SCAP: variants seen among roughly 807,000 people sequenced by gnomAD.
SCAP encodes sterol regulatory element-binding protein cleavage-activating protein.
SCAP carries 65 observed loss-of-function variants against 123.6 expected under a neutral mutation model. The observed-to-expected ratio is 0.53, with a 90% CI of 0.43 to 0.65. The LOEUF is 0.65. Ranked by LOEUF, SCAP falls within the 30% of genes least tolerant of loss-of-function variation. The probability of loss-of-function intolerance (pLI) is 0.00; values close to 1 mark genes in which losing one functional copy is unlikely to be tolerated. For missense variants in SCAP, 1,398 were observed against 1,712.5 expected, an observed-to-expected ratio of 0.82 and a Z score of 3.24; for synonymous variants, 740 against 726.3, an observed-to-expected ratio of 1.02 and a Z score of -0.30.
At chr3:47,459,890 C>T (rs1336901148) in intron 1 of SCAP, among the ~76,000 whole-genome samples, 7 of 152,100 alleles carry the variant, frequency 4.6e-5, no homozygotes, top group Non-Finnish European at 8.8e-5. Flanking sequence ...GAGACCAGGG[C>T]GTATTTCAGT....
At chr3:47,458,761 T>C (rs1037170518) in intron 1 of SCAP, among the ~76,000 whole-genome samples, 1 of 152,242 alleles carries the variant, frequency 6.6e-6, no homozygotes, top group Non-Finnish European at 1.5e-5. Context: ...CAGGAATGAC[T>C]AACAAAGGGA....
intron 1 of SCAP, among the ~76,000 whole-genome samples, chr3:47,453,457 G>A (rs1707296632): frequency 6.6e-6 from 1 of 151,734 alleles, no homozygotes; most frequent in African/African-American, 2.4e-5. Flanking sequence ...GCTCTCCAGT[G>A]CCTGCATATC....
intron 1 of SCAP, among the ~76,000 whole-genome samples, chr3:47,466,356 G>T (rs1707830014): frequency 6.6e-6 from 1 of 152,122 alleles, no homozygotes; most frequent in Admixed American, 6.6e-5. Context: ...CAGATCTTCT[G>T]TAGTTCATCA....
chr3:47,422,741 G>C, intron 9 of SCAP: 1 of 501,590 alleles, frequency 2.0e-6, no homozygotes, highest in Non-Finnish European at 3.6e-6. Flanking sequence ...GCTGCTACGG[G>C]GAACGGGTGT....
At chr3:47,433,106 G>A (rs758779669) in intron 3 of SCAP, among the ~76,000 whole-genome samples, 6 of 152,136 alleles carry the variant, frequency 3.9e-5, no homozygotes, top group Non-Finnish European at 7.3e-5. Flanking sequence ...AAACTATATC[G>A]TGCTTAAGTC....
intron 1 of SCAP, among the ~76,000 whole-genome samples, chr3:47,457,216 G>A (rs1357439809): frequency 1.3e-5 from 2 of 152,152 alleles, no homozygotes; most frequent in African/African-American, 4.8e-5. Context: ...TGGTAGCCAG[G>A]TGCAAGATGG....
chr3:47,417,402 G>A lies in SCAP; in HGVS notation c.2872C>T (p.Pro958Ser). ...DEGGSPEKGS[P>S]SLAWAPSAEG... is the part of the protein sequence containing the mutation. ...GCACTGGGGGCCCAGGCGAGGGAAG[G>A]GGAGCCTTTCTCGGGGGAGCCACCC... The change falls in exon 17 of 23, where the codon CCT becomes TCT. Residue 958 changes from proline to serine, a missense_variant. Pro to Ser is a moderately conservative substitution (Grantham distance 74). Transcript: ENST00000265565. The A allele has an allele frequency of 6.3e-7, 1 of 1,586,442 alleles. No homozygotes were observed. The highest frequency in any genetic ancestry group is 8.6e-7 in the Non-Finnish European group (1 of 1,167,878).
At position 47,427,302 on chromosome 3, in the gene SCAP, A is replaced by G. The variant is rs777477060; in HGVS notation, c.632-40T>C. On this transcript the variant is annotated intron_variant, in intron 5 of 22. Transcript: ENST00000265565. ...CAGCAGGTACTGACACAGAAATGAC[A>G]GCTACTGCAGAGCCACCAAGGACCC... 3.2e-6 allele frequency: 5 copies of G among 1,570,616 alleles called. No individual in the cohort carries two copies. The South Asian group carries it at 5.5e-5, about 17-fold the overall frequency.
intron 1 of SCAP, among the ~76,000 whole-genome samples, chr3:47,458,170 T>C (rs571661807): frequency 2.0e-5 from 3 of 151,652 alleles, no homozygotes; most frequent in African/African-American, 7.3e-5. Context: ...CAGTGGCTCA[T>C]GCCTGTAATC....
intron 3 of SCAP, 25 bp downstream of exon 3, chr3:47,434,983 C>A: frequency 6.2e-7 from 1 of 1,614,078 alleles, no homozygotes; most frequent in Non-Finnish European, 8.5e-7. Context: ...TCTGTGCTGG[C>A]CTCAGGAACA....
At chr3:47,424,103 G>A (rs1031060089) in intron 8 of SCAP, 58 bp from the exon 9 acceptor site, 30 of 1,341,618 alleles carry the variant, frequency 2.2e-5, no homozygotes, top group Non-Finnish European at 3.1e-5. Context: ...AACAGACTGG[G>A]GCCCTCAGGA....
chr3:47,427,507 T>C lies in SCAP; in HGVS notation c.571A>G (p.Ile191Val). ...TCGTGCTGGTGGATGGTCCCAATGA[T>C]GTCAGGATCAGCATGGAAGCGTTCC... is the stretch of plus-strand genomic sequence containing the variant. ...DWERFHADPD[I>V]IGTIHQHEPK... Residue 191 changes from isoleucine to valine, a missense_variant, in exon 5 of 23, where the codon ATC (isoleucine) becomes GTC (valine). Ile to Val is a conservative substitution (Grantham distance 29, BLOSUM62 3). Transcript: ENST00000265565. 9 of 1,614,184 alleles carry C rather than the reference T, an allele frequency of 5.6e-6. No individual in the cohort carries two copies. The highest frequency in any genetic ancestry group is 1.1e-5 in the South Asian group (1 of 91,084).
chr3:47,428,427 G>T, intron 4 of SCAP, 86 bp downstream of exon 4: 1 of 1,357,650 alleles, frequency 7.4e-7, no homozygotes, highest in Non-Finnish European at 1.0e-6. Context: ...AGAGCTGACT[G>T]GCTCACTGCA....
At chr3:47,424,317 T>A (rs1706030581) in intron 8 of SCAP, among the ~76,000 whole-genome samples, 6 of 152,220 alleles carry the variant, frequency 3.9e-5, no homozygotes. Context: ...AAGAGGCCCC[T>A]CAGGGAGAGC....
chr3:47,448,104 CT>C (rs1360013891), intron 1 of SCAP, among the ~76,000 whole-genome samples: 7 of 148,740 alleles, frequency 4.7e-5, no homozygotes, highest in Non-Finnish European at 7.4e-5. Flanking sequence ...CATGTTGAGT[CT>C]TCCAATCCAT....
chr3:47,466,552 GAC>G (rs1707837431), intron 1 of SCAP, among the ~76,000 whole-genome samples: 1 of 152,168 alleles, frequency 6.6e-6, no homozygotes. Flanking sequence ...CTGGGGAAAG[GAC>G]AGTCTCTTCA....
Position 47,414,569 on chromosome 3 carries a change from T to C in SCAP, c.3387+3A>G. The C allele has an allele frequency of 6.2e-7, 1 of 1,613,424 alleles. No homozygotes were observed. Among genetic ancestry groups the C allele is most frequent in the Non-Finnish European group, 8.5e-7 (1 of 1,179,982 alleles). On this transcript the variant is annotated splice_donor_region_variant and intron_variant, in intron 21 of 22. Coordinates refer to ENST00000265565, the MANE Select transcript of SCAP (RefSeq NM_012235.4). The stretch of plus-strand genomic sequence containing the variant: ...CCCCCTACCCCACCTGCAGGCCGCT[T>C]ACCTGGTCAATGTACACGGTCGTGA...
intron 21 of SCAP, 83 bp downstream of exon 21, chr3:47,414,489 A>G: frequency 1.3e-6 from 2 of 1,599,342 alleles, no homozygotes; most frequent in Non-Finnish European, 1.7e-6. Context: ...GCTTCCTGGA[A>G]GGCCCCTGGG....
chr3:47,424,224 A>C (rs867580641), intron 8 of SCAP, among the ~76,000 whole-genome samples, 179 bp from the exon 9 acceptor site: 1 of 152,080 alleles, frequency 6.6e-6, no homozygotes, highest in Middle Eastern at 3.2e-3. Flanking sequence ...TCTACACAGC[A>C]CTCAGCTTTC....
Sources: gnomAD v4.1 joint callset for allele counts (sites outside exome capture counted in the v4.1 genomes callset) on GRCh38, gnomAD v4.1.1 for gene constraint, MANE v1.5 for transcripts, NCBI Gene and HGNC (gene_info 2026-07-23, HGNC 2026-07-21) for gene names.